Variants in DSE observed in about 807,000 individuals in gnomAD.
The protein encoded by DSE is dermatan-sulfate epimerase.
DSE carries 36 observed loss-of-function variants against 84.4 expected under a neutral mutation model. The observed-to-expected ratio is 0.43, with a 90% CI of 0.33 to 0.56. DSE has a LOEUF of 0.56. Among genes scored for constraint, DSE ranks in the 20% least tolerant of loss-of-function variants. DSE has a pLI of 0.06. For synonymous variants in DSE, 410 were observed against 430.1 expected, an observed-to-expected ratio of 0.95 and a Z score of 0.58; for missense variants, 862 against 1,169.6, an observed-to-expected ratio of 0.74 and a Z score of 3.84.
At chr6:116,310,772 C>G (rs1562221477) in intron 2 of DSE, among the ~76,000 whole-genome samples, 1 of 152,222 alleles carries the variant, frequency 6.6e-6, no homozygotes, top group Non-Finnish European at 1.5e-5. Context: ...TGATCCTCCT[C>G]ATAGTCTCCT....
intron 2 of DSE, among the ~76,000 whole-genome samples, chr6:116,425,608 TA>T (rs377055031): frequency 3.6e-5 from 3 of 83,194 alleles, no homozygotes; most frequent in Admixed American, 1.6e-4. Flanking sequence ...TATTTTATTT[TA>T]TTTATTTTTA....
chr6:116,421,563 C>T lies in DSE; in HGVS notation c.417-5011C>T, dbSNP rs544570325. On this transcript the variant is annotated intron_variant, in intron 2 of 5. Coordinates refer to ENST00000644252, the MANE Select transcript of DSE (RefSeq NM_013352.4). ...AGTCATAGCTCACTGCAGCTTTGAA[C>T]TTCTGGGCTCCAGCAATCTTGCTGC... is the stretch of plus-strand genomic sequence containing the variant. 1.0e-4 allele frequency among the ~76,000 whole-genome samples: 14 copies of T among 139,216 alleles called. No homozygotes were observed. In the South Asian group the frequency reaches 3.4e-3, roughly 34 times the overall value. The allele number at this position is 139,216 out of a possible 152,430, so 91.3% of individuals were successfully genotyped here.
At chr6:116,321,037 T>G (rs78008865) in intron 2 of DSE, among the ~76,000 whole-genome samples, 6,332 of 152,298 alleles carry the variant, frequency 0.042, 462 homozygotes, top group African/African-American at 0.14. Flanking sequence ...GATTGTTGAA[T>G]GGGTCACTGA....
chr6:116,406,145 G>A (rs972400643), intron 2 of DSE, among the ~76,000 whole-genome samples: 2 of 152,092 alleles, frequency 1.3e-5, no homozygotes, highest in African/African-American at 2.4e-5. Flanking sequence ...TCATCTCTGC[G>A]ATGGGTGACT....
intron 2 of DSE, among the ~76,000 whole-genome samples, chr6:116,409,548 G>A (rs1782176668): frequency 6.6e-6 from 1 of 152,082 alleles, no homozygotes; most frequent in South Asian, 2.1e-4. Context: ...CAAAGTGCTG[G>A]GATTACAGGC....
At chr6:116,420,690 C>G (rs117097123) in intron 2 of DSE, among the ~76,000 whole-genome samples, 1,548 of 152,330 alleles carry the variant, frequency 0.01, 25 homozygotes, top group South Asian at 0.067. Flanking sequence ...AAATAATATT[C>G]TGTGAACCTT....
intron 2 of DSE, among the ~76,000 whole-genome samples, chr6:116,265,029 CAG>C (rs1772563619): frequency 6.6e-6 from 1 of 152,166 alleles, no homozygotes; most frequent in African/African-American, 2.4e-5. Context: ...ATTGCAGCAA[CAG>C]GGGGATCTGT....
At position 116,418,768 on chromosome 6, in the gene DSE, A is replaced by C. The variant is rs571025703; in HGVS notation, c.417-7806A>C. ...CGTTCTTCCCCTCACTAAGAAGGCA[A>C]AACCATTCTAGATTCAGATAATTCA... On this transcript the variant is annotated intron_variant, in intron 2 of 5. Coordinates refer to ENST00000644252, the MANE Select transcript of DSE (RefSeq NM_013352.4). Among the ~76,000 whole-genome samples, 15 of 152,344 alleles carry C rather than the reference A, an allele frequency of 9.8e-5. No individual in the cohort carries two copies. In the East Asian group the frequency reaches 2.7e-3, roughly 27 times the overall value.
chr6:116,407,484 C>G (rs906445833), intron 2 of DSE, among the ~76,000 whole-genome samples: 1 of 152,156 alleles, frequency 6.6e-6, no homozygotes, highest in African/African-American at 2.4e-5. Context: ...ACTGCAAGGG[C>G]TCATAGATAA....
chr6:116,431,574 C>A (rs1253359029), intron 4 of DSE, among the ~76,000 whole-genome samples: 1 of 151,934 alleles, frequency 6.6e-6, no homozygotes, highest in Non-Finnish European at 1.5e-5. Context: ...CCTGATCAAT[C>A]CTATTTTAAT....
At chr6:116,282,476 G>A (rs898305134) in intron 2 of DSE, among the ~76,000 whole-genome samples, 3 of 152,072 alleles carry the variant, frequency 2.0e-5, no homozygotes, top group Non-Finnish European at 4.4e-5. Context: ...GTAATGCTAG[G>A]AAAACTCTAA....
In DSE at chr6:116,437,059, A is replaced by T; in HGVS notation, c.2591A>T (p.Asp864Val). The T allele has an allele frequency of 2.5e-6, 4 of 1,614,146 alleles. No homozygotes were observed. The highest frequency in any genetic ancestry group is 1.1e-5 in the South Asian group (1 of 91,084). The change falls in exon 6 of 6, where the codon GAT becomes GTT. Residue 864 changes from aspartate (D) to valine (V), a missense_variant. Physicochemically the swap from Asp to Val is radical, Grantham distance 152 (BLOSUM62 -3). This residue lies in a region of DSE where 315 missense variants were observed against 348.1 expected (regional missense o/e 0.90). Coordinates refer to ENST00000644252, the MANE Select transcript of DSE (RefSeq NM_013352.4). ...EEMKDLLDFA[D>V]VTYEKHKNGG... ...ATGAAAGACCTTTTAGATTTTGCAGATGTAACATACGAGAAACATAAAAAT... is the reference window on the plus strand; with the variant it reads ...ATGAAAGACCTTTTAGATTTTGCAGTTGTAACATACGAGAAACATAAAAAT...
chr6:116,322,769 G>T (rs1319450543), intron 2 of DSE, among the ~76,000 whole-genome samples: 1 of 152,226 alleles, frequency 6.6e-6, no homozygotes, highest in Admixed American at 6.5e-5. Flanking sequence ...ATCAGCCCAT[G>T]TGCATGTGTA....
intron 2 of DSE, among the ~76,000 whole-genome samples, chr6:116,323,483 T>C (rs1167148839): frequency 2.0e-5 from 3 of 152,200 alleles, no homozygotes; most frequent in Non-Finnish European, 2.9e-5. Flanking sequence ...TCTTGGACAT[T>C]CGTTTAGCAG....
At chr6:116,299,518 A>G (rs1458266747) in intron 2 of DSE, among the ~76,000 whole-genome samples, 3 of 22,856 alleles carry the variant, frequency 1.3e-4, no homozygotes, top group African/African-American at 1.1e-3. Context: ...ATATATATAT[A>G]TATATATATA....
intron 2 of DSE, among the ~76,000 whole-genome samples, chr6:116,416,391 G>A (rs1338274492): frequency 6.7e-6 from 1 of 149,828 alleles, no homozygotes; most frequent in African/African-American, 2.5e-5. Flanking sequence ...GTGTGTGTGT[G>A]TGTGTAGCTT....
chr6:116,387,610 G>A (rs1780651018), intron 1 of DSE, among the ~76,000 whole-genome samples: 1 of 152,154 alleles, frequency 6.6e-6, no homozygotes, highest in African/African-American at 2.4e-5. Flanking sequence ...AATCTTGACT[G>A]TGACTCAGAC....
Position 116,442,987 on chromosome 6 carries a change from C to T in DSE, c.*5642C>T, listed in dbSNP as rs191247278. 5 of 152,292 alleles carry T rather than the reference C, an allele frequency of 3.3e-5. No individual in the cohort carries two copies. The highest frequency in any genetic ancestry group is 1.2e-4 in the African/African-American group (5 of 41,544). 9.4% of individuals were successfully genotyped at this position (152,292 alleles called of 1,614,324 possible). On this transcript the variant is annotated 3_prime_UTR_variant, in exon 6 of 6. Coordinates refer to ENST00000644252, the MANE Select transcript of DSE (RefSeq NM_013352.4). ...TGAGGTGGGGCAGGGAGGGGGTACC[C>T]TCTGCTTAGAAATCGCTGCAAGCAA...
At position 116,324,993 on chromosome 6, in the gene DSE, A is replaced by T. The variant is rs1776536525; in HGVS notation, c.-54+66026A>T. 2.0e-5 allele frequency among the ~76,000 whole-genome samples: 3 copies of T among 152,304 alleles called. No individual in the cohort carries two copies. The South Asian group carries it at 6.2e-4, about 32-fold the overall frequency. On this transcript the variant is annotated intron_variant, in intron 2 of 3. Coordinates refer to the DSE transcript ENST00000430252. ...CATAACAGTTGGAGATTAGCTAGGGACACATACCACCCACTCTGGGGTTAG... is the reference window on the plus strand; with the variant it reads ...CATAACAGTTGGAGATTAGCTAGGGTCACATACCACCCACTCTGGGGTTAG...
Sources: gnomAD v4.1 joint callset for allele counts (sites outside exome capture counted in the v4.1 genomes callset) on GRCh38, gnomAD v4.1.1 for gene constraint, gnomAD v4.1.1 regional missense constraint, MANE v1.5 for transcripts, NCBI Gene and HGNC (gene_info 2026-07-23, HGNC 2026-07-21) for gene names.